Variants in LRRC37A2 observed in about 807,000 individuals in gnomAD.
The protein encoded by LRRC37A2 is leucine rich repeat containing 37 member A2.
A neutral mutation model predicts 68.8 loss-of-function variants in LRRC37A2; 9 were observed. The ratio of observed to expected loss-of-function variants is 0.13; its 90% CI spans 0.08 to 0.23. The LOEUF (loss-of-function observed/expected upper bound fraction) is 0.23, where lower values mean the gene tolerates loss of function less well. Ranked by LOEUF, LRRC37A2 falls within the 10% of genes least tolerant of loss-of-function variation. LRRC37A2 has a pLI of 1.00. For missense variants in LRRC37A2, 168 were observed against 950.4 expected (o/e 0.18, Z 10.82); for synonymous variants, 63 against 367.6 (o/e 0.17, Z 9.48).
chr17:46,809,481 C>T, the LRRC37A2 span, among the ~76,000 whole-genome samples: 1 of 152,206 alleles, frequency 6.6e-6, no homozygotes, highest in African/African-American at 2.4e-5. Flanking sequence ...CCAACACACA[C>T]GTACACACAC....
the LRRC37A2 span, among the ~76,000 whole-genome samples, chr17:46,987,064 G>A: frequency 5.9e-5 from 9 of 152,090 alleles, no homozygotes; most frequent in Admixed American, 1.3e-4. Context: ...TGGCTGACAC[G>A]GTGGCCCGTC....
chr17:46,568,513 GA>G, the LRRC37A2 span, among the ~76,000 whole-genome samples: 2,469 of 110,286 alleles, frequency 0.022, 525 homozygotes, highest in African/African-American at 0.069. Flanking sequence ...AAAAAAAAAA[GA>G]GGGGGGGAGG....
chr17:46,626,127 T>C, the LRRC37A2 span, among the ~76,000 whole-genome samples: 1 of 137,278 alleles, frequency 7.3e-6, no homozygotes, highest in South Asian at 2.2e-4. Flanking sequence ...TTTTTTATTT[T>C]GTAGGTTGTT....
At chr17:46,758,936 T>C in the LRRC37A2 span, among the ~76,000 whole-genome samples, 89,764 of 152,104 alleles carry the variant, frequency 0.59, 29,113 homozygotes, top group South Asian at 0.79. Context: ...CCGGGCGCAG[T>C]AGCTCACACT....
At chr17:46,973,818 AC>A in the LRRC37A2 span, among the ~76,000 whole-genome samples, 2,535 of 145,652 alleles carry the variant, frequency 0.017, 26 homozygotes, top group Non-Finnish European at 0.028. Context: ...CATGCGTGCG[AC>A]ACATGTGTAC....
the LRRC37A2 span, among the ~76,000 whole-genome samples, chr17:47,029,701 T>C: frequency 6.6e-6 from 1 of 152,056 alleles, no homozygotes; most frequent in Admixed American, 6.6e-5. Flanking sequence ...CACGAAGAGG[T>C]TTAGGTAGCA....
the LRRC37A2 span, among the ~76,000 whole-genome samples, chr17:46,960,880 G>A: frequency 6.6e-6 from 1 of 152,170 alleles, no homozygotes; most frequent in Non-Finnish European, 1.5e-5. Context: ...CTACAAAGTG[G>A]CAGCATGAAG....
the LRRC37A2 span, among the ~76,000 whole-genome samples, chr17:46,782,012 C>T: frequency 6.6e-6 from 1 of 152,114 alleles, no homozygotes; most frequent in Non-Finnish European, 1.5e-5. Context: ...GGGCTGGGCA[C>T]AAAAAGGACC....
chr17:46,826,720 C>A, the LRRC37A2 span, among the ~76,000 whole-genome samples: 1 of 152,036 alleles, frequency 6.6e-6, no homozygotes, highest in South Asian at 2.1e-4. Flanking sequence ...TGAAATGGCA[C>A]CTGGGACATG....
chr17:46,836,938 CTTTTTCTT>C, the LRRC37A2 span, among the ~76,000 whole-genome samples: 6 of 152,104 alleles, frequency 3.9e-5, no homozygotes, highest in African/African-American at 1.2e-4. Context: ...GCAAGTATTT[CTTTTTCTT>C]TTTTTCTTTT....
the LRRC37A2 span, among the ~76,000 whole-genome samples, chr17:46,816,956 T>C: frequency 6.6e-6 from 1 of 152,228 alleles, no homozygotes; most frequent in Non-Finnish European, 1.5e-5. Flanking sequence ...CTGAAGTCCC[T>C]GGCTGCCCTG....
chr17:46,978,900 C>A, the LRRC37A2 span: 1 of 1,498,214 alleles, frequency 6.7e-7, no homozygotes, highest in Non-Finnish European at 8.8e-7. Context: ...GACAGCAGCC[C>A]AGCCACGTGC....
chr17:46,495,008 TGCC>T, the LRRC37A2 span, among the ~76,000 whole-genome samples: 1 of 149,944 alleles, frequency 6.7e-6, no homozygotes, highest in Non-Finnish European at 1.5e-5. Context: ...ATCATTCTAC[TGCC>T]TATCTCCATG....
chr17:46,724,344 C>T, the LRRC37A2 span, among the ~76,000 whole-genome samples: 7 of 152,152 alleles, frequency 4.6e-5, no homozygotes, highest in East Asian at 1.9e-4. Flanking sequence ...ACTATATCTC[C>T]GTCATGGCTC....
At chr17:46,985,506 T>G in the LRRC37A2 span, among the ~76,000 whole-genome samples, 2 of 146,580 alleles carry the variant, frequency 1.4e-5, no homozygotes, top group Non-Finnish European at 3.0e-5. Context: ...GGAGACAAAG[T>G]GAGATTCCAT....
chr17:46,791,975 G>C, the LRRC37A2 span, among the ~76,000 whole-genome samples: 2 of 152,226 alleles, frequency 1.3e-5, no homozygotes, highest in African/African-American at 4.8e-5. Context: ...AGGAGTTTGA[G>C]GCTGTAGTAA....
chr17:46,828,078 G>A, the LRRC37A2 span, among the ~76,000 whole-genome samples: 1 of 151,940 alleles, frequency 6.6e-6, no homozygotes, highest in East Asian at 1.9e-4. Context: ...CGCCCACCTC[G>A]GCCTATCCCA....
At chr17:46,997,089 G>A in the LRRC37A2 span, among the ~76,000 whole-genome samples, 32,998 of 152,114 alleles carry the variant, frequency 0.22, 4,426 homozygotes, top group East Asian at 0.61. Context: ...AGTGGCTCAC[G>A]TCAGTAATCC....
intron 8 of LRRC37A2, among the ~76,000 whole-genome samples, chr17:46,545,339 T>G (rs2056127103): frequency 7.0e-6 from 1 of 142,292 alleles, no homozygotes; most frequent in South Asian, 2.1e-4. Context: ...TACTCCCAGC[T>G]ACTCAGGAGG....
Sources: allele counts gnomAD v4.1 joint callset (sites outside exome capture counted in the v4.1 genomes callset), GRCh38; gene constraint gnomAD v4.1.1; transcripts MANE v1.5; gene names NCBI Gene and HGNC (gene_info 2026-07-23, HGNC 2026-07-21).